Variants in OR52E5 observed in about 807,000 individuals in gnomAD.
OR52E5 encodes the protein olfactory receptor 52E5.
chr11:5,897,641 A>C (rs907526999), intron 2 of OR52E5, among the ~76,000 whole-genome samples: 3 of 152,140 alleles, frequency 2.0e-5, no homozygotes, highest in Admixed American at 6.5e-5. Flanking sequence ...TAGATATCCA[A>C]TAGCGGGATT....
chr11:5,899,292 T>C (rs1440138776), intron 2 of OR52E5, among the ~76,000 whole-genome samples: 1 of 152,178 alleles, frequency 6.6e-6, no homozygotes, highest in African/African-American at 2.4e-5. Context: ...ATACTAACTT[T>C]CCTATAATCA....
At position 5,901,015 on chromosome 11, in the gene OR52E5, T is replaced by C; in HGVS notation, c.239T>C (p.Ile80Thr). The C allele has an allele frequency of 2.5e-6, 1 of 402,124 alleles. No individual in the cohort carries two copies. The highest frequency in any genetic ancestry group is 4.4e-6 in the Non-Finnish European group (1 of 226,398). 24.9% of individuals were successfully genotyped at this position (402,124 alleles called of 1,614,324 possible). A position where few individuals can be genotyped will look rare whatever the true frequency, so the allele number is the denominator to read the frequency against. Residue 80 changes from isoleucine to threonine, a missense_variant, in exon 3 of 3, where the codon ATC (isoleucine) becomes ACC (threonine). By Grantham distance (89) the Ile-to-Thr change is moderately conservative. Coordinates refer to ENST00000610445, the MANE Select transcript of OR52E5 (RefSeq NM_001005166.5). The stretch of plus-strand genomic sequence containing the variant: ...GATCTGGGCTTGTCTACAGCAACCA[T>C]CCCCAAGATGCTGGGAATTTTCTGG... ...GTDLGLSTAT[I>T]PKMLGIFWFN...
rs1847259370 is a variant in OR52E5 at position 5,901,820 on chromosome 11, A to G, written c.*60A>G. ...TTTTTACTACTTCTCTTGCATTCCC[A>G]CATGAGCCAATAGCATTATATCCCC... On this transcript the variant is annotated 3_prime_UTR_variant, in exon 3 of 3. Coordinates refer to ENST00000610445, the MANE Select transcript of OR52E5 (RefSeq NM_001005166.5). 5.0e-6 allele frequency: 2 copies of G among 399,520 alleles called. No individual in the cohort carries two copies. Among genetic ancestry groups the G allele is most frequent in the East Asian group, 3.6e-5 (1 of 28,072 alleles). 24.7% of individuals were successfully genotyped at this position (399,520 alleles called of 1,614,324 possible).
chr11:5,894,904 C>A (rs1392902913), intron 1 of OR52E5, among the ~76,000 whole-genome samples: 3 of 152,016 alleles, frequency 2.0e-5, no homozygotes, highest in Non-Finnish European at 4.4e-5. Context: ...TAATTTTGCC[C>A]CAATAAAATT....
chr11:5,897,204 G>T (rs565541905), intron 2 of OR52E5, among the ~76,000 whole-genome samples: 1 of 152,068 alleles, frequency 6.6e-6, no homozygotes. Flanking sequence ...ATAATGCTGG[G>T]GCATAGGCTT....
chr11:5,901,050 G>C lies in OR52E5; in HGVS notation c.274G>C (p.Gly92Arg), dbSNP rs1847243313. ...KMLGIFWFNL[G>R]EIAFGACITQ... is the part of the protein sequence containing the mutation. Reference sequence around the variant, plus strand: ...GCTGGGAATTTTCTGGTTTAATCTTGGAGAGATTGCATTTGGTGCCTGCAT... The same window carrying C: ...GCTGGGAATTTTCTGGTTTAATCTTCGAGAGATTGCATTTGGTGCCTGCAT... Residue 92 changes from glycine to arginine, a missense_variant, in exon 3 of 3, where the codon GGA becomes CGA. By Grantham distance (125) the Gly-to-Arg change is moderately radical. Transcript: ENST00000610445. 1 of 401,692 alleles carries C rather than the reference G, an allele frequency of 2.5e-6. No individual in the cohort carries two copies. The highest frequency in any genetic ancestry group is 4.4e-5 in the Admixed American group (1 of 22,720). The allele number at this position is 401,692 out of a possible 1,614,324, so 24.9% of individuals were successfully genotyped here.
intron 1 of OR52E5, among the ~76,000 whole-genome samples, chr11:5,895,169 T>G (rs1043557109): frequency 1.3e-5 from 2 of 152,182 alleles, no homozygotes; most frequent in African/African-American, 4.8e-5. Flanking sequence ...GCTGTGACAA[T>G]GTCAGGAAAT....
intron 1 of OR52E5, among the ~76,000 whole-genome samples, chr11:5,894,401 G>C (rs370038353): frequency 1.1e-4 from 16 of 152,098 alleles, no homozygotes; most frequent in African/African-American, 3.4e-4. Context: ...GATAACTCAC[G>C]TAACAGAAAG....
chr11:5,895,650 GGCATTTATGGTTGACCCCTGCGGAA>G lies in OR52E5; in HGVS notation c.-203_-179del. On this transcript the variant is annotated 5_prime_UTR_variant, in exon 2 of 3. An upstream start codon of the reference 5' UTR is lost. Coordinates refer to ENST00000610445, the MANE Select transcript of OR52E5 (RefSeq NM_001005166.5). ...CCATTAGCAGGATGATCATCTTATT[GGCATTTATGGTTGACCCCTGCGGAA>G]GCATTACATTGGAGGAAACACAATA... 1 of 152,244 alleles carries G rather than the reference GGCATTTATGGTTGACCCCTGCGGAA, an allele frequency of 6.6e-6. No homozygotes were observed. Among genetic ancestry groups the G allele is most frequent in the South Asian group, 2.1e-4 (1 of 4,820 alleles). 9.4% of individuals were successfully genotyped at this position (152,244 alleles called of 1,614,324 possible). A position where few individuals can be genotyped will look rare whatever the true frequency, so the allele number is the denominator to read the frequency against.
intron 2 of OR52E5, among the ~76,000 whole-genome samples, chr11:5,896,973 CTT>C (rs752351375): frequency 1.4e-4 from 22 of 152,216 alleles, no homozygotes; most frequent in Middle Eastern, 3.4e-3. Context: ...CTAACATAAA[CTT>C]AGTTATTATT....
intron 2 of OR52E5, among the ~76,000 whole-genome samples, chr11:5,896,246 T>TAAAAAAAAAAA (rs56197568): frequency 3.7e-5 from 2 of 53,542 alleles, no homozygotes; most frequent in Non-Finnish European, 3.1e-5. Context: ...TCGTCTCTAC[T>TAAAAAAAAAAA]AAAAAAAAAA....
Position 5,900,895 on chromosome 11 carries a change from C to A in OR52E5, c.119C>A (p.Ala40Asp), listed in dbSNP as rs1351949678. Residue 40 changes from alanine (A) to aspartate (D), a missense_variant, in exon 3 of 3, where the codon GCC (alanine) becomes GAC (aspartate). Physicochemically the swap from Ala to Asp is moderately radical, Grantham distance 126 (BLOSUM62 -2). Coordinates refer to ENST00000610445, the MANE Select transcript of OR52E5 (RefSeq NM_001005166.5). The stretch of plus-strand genomic sequence containing the variant: ...CCCTTCTTTGCAGTGTATCTAACAG[C>A]CCTTCTAGGGAACATCATTATCCTG... ...GFPFFAVYLT[A>D]LLGNIIILFV... The A allele has an allele frequency of 2.5e-6, 1 of 401,260 alleles. No homozygotes were observed. The highest frequency in any genetic ancestry group is 4.4e-5 in the Admixed American group (1 of 22,722). 24.9% of individuals were successfully genotyped at this position (401,260 alleles called of 1,614,324 possible).
chr11:5,898,094 A>C (rs578214565), intron 2 of OR52E5, among the ~76,000 whole-genome samples: 1 of 151,980 alleles, frequency 6.6e-6, no homozygotes, highest in South Asian at 2.1e-4. Context: ...CCTGGGCTCA[A>C]GTTATCCTCC....
chr11:5,900,161 G>T (rs1847229678), intron 2 of OR52E5, among the ~76,000 whole-genome samples: 1 of 152,004 alleles, frequency 6.6e-6, no homozygotes, highest in Non-Finnish European at 1.5e-5. Context: ...TTGTAAGAGG[G>T]AGCATTGTTT....
At chr11:5,899,526 T>G (rs1452305726) in intron 2 of OR52E5, among the ~76,000 whole-genome samples, 1 of 152,192 alleles carries the variant, frequency 6.6e-6, no homozygotes, top group Non-Finnish European at 1.5e-5. Context: ...ATAGTTTTTC[T>G]TTAGGATTAG....
chr11:5,895,963 C>T (rs538312294), intron 2 of OR52E5, among the ~76,000 whole-genome samples: 4 of 149,964 alleles, frequency 2.7e-5, no homozygotes, highest in South Asian at 2.1e-4. Context: ...GCAGGAGAAT[C>T]GCTTCTACCC....
At position 5,901,179 on chromosome 11, in the gene OR52E5, A is replaced by G; in HGVS notation, c.403A>G (p.Ser135Gly). 2.5e-6 allele frequency: 1 copy of G among 401,416 alleles called. No homozygotes were observed. The highest frequency in any genetic ancestry group is 4.4e-6 in the Non-Finnish European group (1 of 226,318). The allele number at this position is 401,416 out of a possible 1,614,324, so 24.9% of individuals were successfully genotyped here. A position where few individuals can be genotyped will look rare whatever the true frequency, so the allele number is the denominator to read the frequency against. ...TGCCATCTGCAACCCCCTGAGATAT[A>G]GCATGATCCTTACCAACAAGGTAAT... ...YIAICNPLRY[S>G]MILTNKVIAI... The change falls in exon 3 of 3, where the codon AGC becomes GGC. Residue 135 changes from serine (S) to glycine (G), a missense_variant. Physicochemically the swap from Ser to Gly is moderately conservative, Grantham distance 56. Transcript: ENST00000610445.
intron 1 of OR52E5, among the ~76,000 whole-genome samples, chr11:5,894,655 G>A (rs1055909281): frequency 1.3e-5 from 2 of 152,076 alleles, no homozygotes; most frequent in South Asian, 2.1e-4. Context: ...GTAAAGATAG[G>A]TTAAAATTAA....
chr11:5,897,334 G>A (rs1346497361), intron 2 of OR52E5, among the ~76,000 whole-genome samples: 1 of 152,056 alleles, frequency 6.6e-6, no homozygotes, highest in Admixed American at 6.5e-5. Context: ...CCATCTTTAT[G>A]TCCATGTGTA....
Sources: allele counts gnomAD v4.1 joint callset (sites outside exome capture counted in the v4.1 genomes callset), GRCh38; gene constraint gnomAD v4.1.1; transcripts MANE v1.5; gene names NCBI Gene and HGNC (gene_info 2026-07-23, HGNC 2026-07-21).